MYRIP: variants seen among roughly 807,000 people sequenced by gnomAD.
MYRIP encodes rab effector MyRIP.
Under a neutral mutation model 98.0 loss-of-function variants are expected in MYRIP, and 49 were observed. The ratio of observed to expected loss-of-function variants is 0.50; its 90% confidence interval spans 0.40 to 0.63. The LOEUF (loss-of-function observed/expected upper bound fraction) is 0.63, where lower values mean the gene tolerates loss of function less well. Among genes scored for constraint, MYRIP ranks in the 30% least tolerant of loss-of-function variants. The probability of loss-of-function intolerance (pLI) is 0.00; values close to 1 mark genes in which losing one functional copy is unlikely to be tolerated. For missense variants in MYRIP, 1,004 were observed against 1,058.2 expected (o/e 0.95, Z 0.71); for synonymous variants, 404 against 409.5 (o/e 0.99, Z 0.16).
At chr3:40,072,262 G>T (rs1313340577) in intron 3 of MYRIP, among the ~76,000 whole-genome samples, 1 of 152,112 alleles carries the variant, frequency 6.6e-6, no homozygotes, top group Non-Finnish European at 1.5e-5. Context: ...AGGCTGGAGT[G>T]CAGTGGCATG....
chr3:40,071,050 C>G, intron 3 of MYRIP: 1 of 777,966 alleles, frequency 1.3e-6, no homozygotes, highest in Non-Finnish European at 1.6e-6. Flanking sequence ...AAAGCCAAAG[C>G]AAGATGCATT....
At chr3:40,232,068 T>C (rs1952677044) in intron 11 of MYRIP, among the ~76,000 whole-genome samples, 1 of 152,236 alleles carries the variant, frequency 6.6e-6, no homozygotes, top group South Asian at 2.1e-4. Context: ...GAGTTGGCTC[T>C]GGCTGTTCTC....
intron 1 of MYRIP, among the ~76,000 whole-genome samples, chr3:39,833,792 G>A (rs112073199): frequency 0.084 from 12,739 of 152,130 alleles, 591 homozygotes; most frequent in African/African-American, 0.13. Flanking sequence ...AGGCTGAGGC[G>A]GGTGGATCAC....
intron 4 of MYRIP, among the ~76,000 whole-genome samples, chr3:40,151,428 C>T (rs1559422683): frequency 6.6e-6 from 1 of 152,204 alleles, no homozygotes; most frequent in Non-Finnish European, 1.5e-5. Context: ...AGACCAAGTA[C>T]TTCTACAAAT....
intron 12 of MYRIP, among the ~76,000 whole-genome samples, chr3:40,239,259 AG>A (rs1208860573): frequency 6.6e-6 from 1 of 151,044 alleles, no homozygotes; most frequent in Non-Finnish European, 1.5e-5. Context: ...ATGGCTGCAT[AG>A]TATTCCATGG....
At chr3:39,905,511 A>G (rs949769162) in intron 2 of MYRIP, among the ~76,000 whole-genome samples, 2 of 152,094 alleles carry the variant, frequency 1.3e-5, no homozygotes, top group African/African-American at 4.8e-5. Flanking sequence ...GAAACCTCTG[A>G]GTCTTGTTCT....
chr3:40,044,561 G>T (rs1559378363), intron 3 of MYRIP, among the ~76,000 whole-genome samples: 2 of 152,180 alleles, frequency 1.3e-5, no homozygotes, highest in South Asian at 2.1e-4. Flanking sequence ...TTCTCATCTG[G>T]TCTCATCCTT....
intron 1 of MYRIP, among the ~76,000 whole-genome samples, chr3:39,874,164 G>A (rs1411477673): frequency 6.6e-6 from 1 of 152,128 alleles, no homozygotes; most frequent in East Asian, 1.9e-4. Context: ...GTATAAGAAT[G>A]CTTGTGATTT....
At chr3:40,038,168 T>G (rs894144923) in intron 2 of MYRIP, among the ~76,000 whole-genome samples, 14 of 152,150 alleles carry the variant, frequency 9.2e-5, no homozygotes, top group African/African-American at 3.1e-4. Flanking sequence ...TATTTGGAAA[T>G]TTTTAAACCT....
chr3:40,186,041 C>G (rs769794314), intron 9 of MYRIP, among the ~76,000 whole-genome samples: 4 of 152,002 alleles, frequency 2.6e-5, no homozygotes, highest in Admixed American at 6.5e-5. Context: ...GGTAGACAAC[C>G]AAGAAAATAA....
intron 2 of MYRIP, among the ~76,000 whole-genome samples, chr3:39,993,851 C>G (rs1233681165): frequency 6.6e-6 from 1 of 152,152 alleles, no homozygotes; most frequent in East Asian, 1.9e-4. Context: ...GTGACCTATT[C>G]CTTCTTAACC....
chr3:39,935,425 A>G (rs970673180), intron 2 of MYRIP, among the ~76,000 whole-genome samples: 5 of 152,152 alleles, frequency 3.3e-5, no homozygotes, highest in Admixed American at 6.6e-5. Context: ...CAGATCACCA[A>G]TTACAAGGTC....
intron 8 of MYRIP, among the ~76,000 whole-genome samples, chr3:40,170,493 T>A (rs1049207047): frequency 1.3e-5 from 2 of 152,186 alleles, no homozygotes; most frequent in Non-Finnish European, 2.9e-5. Flanking sequence ...AAATTACCAC[T>A]GCTGTTTCAA....
intron 2 of MYRIP, among the ~76,000 whole-genome samples, chr3:39,912,489 A>C (rs1575372159): frequency 6.6e-6 from 1 of 152,216 alleles, no homozygotes. Context: ...AAATATATCC[A>C]ACAAAATCTC....
Position 40,143,687 on chromosome 3 carries a change from AT to A in MYRIP, c.333-7358del, listed in dbSNP as rs528469838. ...TTTTTAATTGACAATAATTGTGTAT[AT>A]TTATGGGGTACAATGTGACATTTTG... On this transcript the variant is annotated intron_variant, in intron 3 of 16. Coordinates refer to ENST00000302541, the MANE Select transcript of MYRIP (RefSeq NM_015460.4). Among the ~76,000 whole-genome samples, 541 of 152,294 alleles carry A rather than the reference AT, an allele frequency of 3.6e-3. 4 individuals are homozygous for A. Among genetic ancestry groups the A allele is most frequent in the African/African-American group, 0.012 (516 of 41,568 alleles).
intron 11 of MYRIP, among the ~76,000 whole-genome samples, chr3:40,212,119 T>C (rs1951953216): frequency 1.1e-5 from 1 of 87,192 alleles, no homozygotes; most frequent in African/African-American, 3.5e-5. Context: ...TATATATACA[T>C]ATATATACGT....
intron 2 of MYRIP, among the ~76,000 whole-genome samples, chr3:40,023,619 G>A (rs562775980): frequency 5.0e-4 from 76 of 152,230 alleles, no homozygotes; most frequent in African/African-American, 1.8e-3. Flanking sequence ...GCCGAAAAAT[G>A]ACGTCTCCCT....
intron 3 of MYRIP, among the ~76,000 whole-genome samples, chr3:40,091,157 C>T (rs959383694): frequency 6.6e-6 from 1 of 152,222 alleles, no homozygotes; most frequent in Admixed American, 6.5e-5. Flanking sequence ...ATCAGGCCCA[C>T]TCACCTGTTC....
At chr3:39,822,396 T>G (rs1941126637) in intron 1 of MYRIP, among the ~76,000 whole-genome samples, 1 of 152,222 alleles carries the variant, frequency 6.6e-6, no homozygotes, top group African/African-American at 2.4e-5. Context: ...CCAGAATGGC[T>G]TTGAATGTGG....
Sources: allele counts gnomAD v4.1 joint callset (sites outside exome capture counted in the v4.1 genomes callset), GRCh38; gene constraint gnomAD v4.1.1; transcripts MANE v1.5; gene names NCBI Gene and HGNC (gene_info 2026-07-23, HGNC 2026-07-21).